Variants in GALC observed in about 807,000 individuals in gnomAD.
GALC encodes galactosylceramidase, also known as galactocerebrosidase.
A neutral mutation model predicts 91.8 loss-of-function variants in GALC; 77 were observed. The observed-to-expected ratio is 0.84, with a 90% CI of 0.70 to 1.01. GALC has a LOEUF of 1.01. Ranked by LOEUF, GALC falls within the 50% of genes least tolerant of loss-of-function variation. The probability of loss-of-function intolerance (pLI) is 0.00; values close to 1 mark genes in which losing one functional copy is unlikely to be tolerated. For synonymous variants in GALC, 357 were observed against 306.7 expected, an observed-to-expected ratio of 1.16 and a Z score of -1.71; for missense variants, 882 against 855.9, an observed-to-expected ratio of 1.03 and a Z score of -0.38.
chr14:87,937,635 T>C (rs1368970034), intron 16 of GALC, among the ~76,000 whole-genome samples: 1 of 151,780 alleles, frequency 6.6e-6, no homozygotes, highest in African/African-American at 2.4e-5. Flanking sequence ...GAAGAGTGGC[T>C]GTATCAGAAG....
chr14:87,944,843 G>T (rs72629369), intron 14 of GALC, among the ~76,000 whole-genome samples: 1 of 151,814 alleles, frequency 6.6e-6, no homozygotes, highest in African/African-American at 2.4e-5. Context: ...TGGTGGCTTG[G>T]TATTACTAGT....
At chr14:87,954,398 G>T (rs548556485) in intron 10 of GALC, 2 of 1,597,818 alleles carry the variant, frequency 1.3e-6, no homozygotes, top group Admixed American at 3.3e-5. Context: ...TTATGTGCTT[G>T]TATTATGGAG....
In GALC at chr14:87,984,323, C is replaced by T. The variant is rs80236006; in HGVS notation, c.582+71G>A. ...TAAAATGGTTAGTCAAAAAGTACCA[C>T]AGAATCAAATTATTTTCTAAATTAC... On this transcript the variant is annotated intron_variant, in intron 5 of 16. Transcript: ENST00000261304. The T allele has an allele frequency of 5.6e-3, 8,376 of 1,484,604 alleles. 110 individuals are homozygous for T. The highest frequency in any genetic ancestry group is 0.037 in the East Asian group (1,547 of 41,320). The allele number at this position is 1,484,604 out of a possible 1,614,324, so 92.0% of individuals were successfully genotyped here.
intron 7 of GALC, among the ~76,000 whole-genome samples, chr14:87,970,612 T>C (rs543223152): frequency 6.6e-6 from 1 of 151,840 alleles, no homozygotes; most frequent in East Asian, 1.9e-4. Context: ...GAATATAAAT[T>C]TTTATTGGGA....
intron 5 of GALC, among the ~76,000 whole-genome samples, chr14:87,982,676 T>C (rs530153209): frequency 2.0e-5 from 3 of 152,152 alleles, no homozygotes; most frequent in African/African-American, 7.2e-5. Context: ...TTTTTAAGCA[T>C]ACACAGAGAA....
At chr14:87,957,028 T>A (rs1028105206) in intron 10 of GALC, among the ~76,000 whole-genome samples, 1 of 151,868 alleles carries the variant, frequency 6.6e-6, no homozygotes, top group Non-Finnish European at 1.5e-5. Flanking sequence ...ATGTTGAGCA[T>A]TTTTTTTAAC....
chr14:87,965,959 C>T (rs1886035292), intron 8 of GALC, among the ~76,000 whole-genome samples: 1 of 152,146 alleles, frequency 6.6e-6, no homozygotes, highest in East Asian at 1.9e-4. Context: ...GAGTCAAATA[C>T]AAATAAAGGC....
intron 6 of GALC, chr14:87,980,461 C>T (rs1364351996): frequency 1.0e-6 from 1 of 972,864 alleles, no homozygotes; most frequent in Non-Finnish European, 1.2e-6. Flanking sequence ...CCTCCATTGT[C>T]TAATCCATCT....
chr14:87,980,235 T>C (rs997230233), intron 6 of GALC, among the ~76,000 whole-genome samples: 1 of 152,080 alleles, frequency 6.6e-6, no homozygotes, highest in South Asian at 2.1e-4. Context: ...ACAAAAAAAT[T>C]AGCCGGGCGT....
rs1805078 is a variant in GALC at position 87,984,426 on chromosome 14, G to A, written c.550C>T (p.Arg184Cys). The A allele has an allele frequency of 0.051, 82,345 of 1,612,988 alleles. 2,422 individuals carry two copies. The highest frequency in any genetic ancestry group is 0.058 in the Non-Finnish European group (68,466 of 1,179,070). ...TAATCAATGTCCAAATCATGGTAAC[G>A]CTTGGCGCCCACAATCCAGGTCACG... ...YVVTWIVGAK[R>C]YHDLDIDYIG... Residue 184 changes from arginine to cysteine, a missense_variant, in exon 5 of 17, where the codon CGT becomes TGT. By Grantham distance (180) the Arg-to-Cys change is radical. Coordinates refer to ENST00000261304, the MANE Select transcript of GALC (RefSeq NM_000153.4).
rs770807058 is a variant in GALC, at chr14:87,993,071, G to A, written c.94C>T (p.Leu32=). ...CCGGGCGCCAGCAGCGCACACAGCAGCAAGGGCACCGCGGCGCGGCCCGCC... is the reference window on the plus strand; with the variant it reads ...CCGGGCGCCAGCAGCGCACACAGCAACAAGGGCACCGCGGCGCGGCCCGCC... ...GSAGRAAVPL[L]LCALLAPGGA... The change falls in exon 1 of 17, where the codon CTG becomes TTG. Residue 32 remains leucine, a synonymous_variant. Coordinates refer to ENST00000261304, the MANE Select transcript of GALC (RefSeq NM_000153.4). 7 of 1,578,512 alleles carry A rather than the reference G, an allele frequency of 4.4e-6. 1 individual carries two copies. The highest frequency in any genetic ancestry group is 4.6e-5 in the East Asian group (2 of 43,450).
In GALC at chr14:87,986,517, CTTA is replaced by C. The variant is rs1555383687; in HGVS notation, c.411_413del (p.Lys139del). The C allele has an allele frequency of 6.2e-7, 1 of 1,610,662 alleles. No homozygotes were observed. The highest frequency in any genetic ancestry group is 8.5e-7 in the Non-Finnish European group (1 of 1,176,902). ...TGAGTGTAATATTGGGATTCCTCTT[CTTA>C]GCTTCTTTCATCAACCACCACTCGT... On this transcript the variant is annotated inframe_deletion, in exon 4 of 17. Transcript: ENST00000261304.
At chr14:87,980,688 CATT>C in intron 6 of GALC, 1 of 154,358 alleles carries the variant, frequency 6.5e-6, no homozygotes, top group East Asian at 1.9e-4. Flanking sequence ...TGTATTATTC[CATT>C]ATTTGACACA....
chr14:87,939,772 C>T, intron 16 of GALC, 133 bp downstream of exon 16: 1 of 747,946 alleles, frequency 1.3e-6, no homozygotes, highest in Non-Finnish European at 2.4e-6. Context: ...GAGTGGCTTC[C>T]CGGCACCAAG....
intron 7 of GALC, 70 bp from the exon 8 acceptor site, chr14:87,968,560 T>C (rs1286298423): frequency 7.1e-6 from 10 of 1,417,752 alleles, no homozygotes; most frequent in Admixed American, 3.4e-5. Flanking sequence ...TATAGATTTG[T>C]TGAGTATATA....
chr14:87,978,384 A>G (rs1399734736), intron 6 of GALC, among the ~76,000 whole-genome samples: 1 of 152,158 alleles, frequency 6.6e-6, no homozygotes, highest in Non-Finnish European at 1.5e-5. Flanking sequence ...AGAGCAACTT[A>G]GTCAAATTTG....
chr14:87,946,546 A>G (rs1183169872), intron 13 of GALC, among the ~76,000 whole-genome samples: 1 of 151,962 alleles, frequency 6.6e-6, no homozygotes, highest in Non-Finnish European at 1.5e-5. Context: ...CTCATAAAGT[A>G]TTACATTTTA....
At chr14:87,973,593 C>T (rs549321039) in intron 7 of GALC, among the ~76,000 whole-genome samples, 2 of 152,134 alleles carry the variant, frequency 1.3e-5, no homozygotes, top group African/African-American at 4.8e-5. Context: ...AATTAAAATT[C>T]CACGGTAGGG....
chr14:87,970,937 C>T (rs1166688683), intron 7 of GALC, among the ~76,000 whole-genome samples: 17 of 151,020 alleles, frequency 1.1e-4, no homozygotes, highest in Admixed American at 9.2e-4. Context: ...CAAACATTCT[C>T]TATCACTTCA....
Sources: gnomAD v4.1 joint callset for allele counts (sites outside exome capture counted in the v4.1 genomes callset) on GRCh38, gnomAD v4.1.1 for gene constraint, MANE v1.5 for transcripts, NCBI Gene and HGNC (gene_info 2026-07-23, HGNC 2026-07-21) for gene names.